Variants in SGCZ observed in about 807,000 individuals in gnomAD.
The protein encoded by SGCZ is zeta-sarcoglycan.
A neutral mutation model predicts 41.3 loss-of-function variants in SGCZ; 40 were observed. That is an observed-to-expected ratio of 0.97 (90% confidence interval 0.75 to 1.26). The LOEUF (loss-of-function observed/expected upper bound fraction) is 1.26. Among genes scored for constraint, SGCZ ranks in the 50% most tolerant of loss-of-function variants. SGCZ has a pLI of 0.00. For missense variants in SGCZ, 552 were observed against 369.8 expected (o/e 1.49, Z -4.04); for synonymous variants, 206 against 137.5 (o/e 1.50, Z -3.49).
rs1230976190 is a variant in SGCZ at position 14,702,809 on chromosome 8, TTAGGTAGATAGA to T, written c.40-147895_40-147884del. ...GACAGACAGGCAGACAGGTAGGTAG[TTAGGTAGATAGA>T]TAGATAGATAGATAGATAGATAGAT... is the stretch of plus-strand genomic sequence containing the variant. On this transcript the variant is annotated intron_variant, in intron 1 of 7. Transcript: ENST00000382080. Among the ~76,000 whole-genome samples, 337 of 117,410 alleles carry T rather than the reference TTAGGTAGATAGA, an allele frequency of 2.9e-3. 11 individuals are homozygous for T. Among genetic ancestry groups the T allele is most frequent in the Middle Eastern group, 4.8e-3 (1 of 208 alleles). The allele number at this position is 117,410 out of a possible 152,430, so 77.0% of individuals were successfully genotyped here. A position where few individuals can be genotyped will look rare whatever the true frequency, so the allele number is the denominator to read the frequency against.
chr8:14,423,503 G>A (rs1418085316), intron 2 of SGCZ, among the ~76,000 whole-genome samples: 2 of 151,916 alleles, frequency 1.3e-5, no homozygotes, highest in Non-Finnish European at 2.9e-5. Flanking sequence ...CGCAACCTCC[G>A]CCTCCCGGGT....
chr8:14,971,554 A>C (rs1270870592), intron 1 of SGCZ, among the ~76,000 whole-genome samples: 1 of 151,892 alleles, frequency 6.6e-6, no homozygotes, highest in Non-Finnish European at 1.5e-5. Context: ...TTAATATACT[A>C]AATTACGTAG....
chr8:14,177,055 G>A (rs1046468728), intron 4 of SGCZ, among the ~76,000 whole-genome samples: 2 of 152,142 alleles, frequency 1.3e-5, no homozygotes, highest in Non-Finnish European at 2.9e-5. Flanking sequence ...GACAAGGATC[G>A]TAGAGAGTAA....
chr8:15,105,549 T>C (rs543542402), intron 1 of SGCZ, among the ~76,000 whole-genome samples: 5 of 152,024 alleles, frequency 3.3e-5, no homozygotes, highest in African/African-American at 1.2e-4. Context: ...AACACGCAGA[T>C]CTTGTCAGAA....
chr8:14,351,216 A>G (rs1380668634), intron 2 of SGCZ, among the ~76,000 whole-genome samples: 1 of 152,164 alleles, frequency 6.6e-6, no homozygotes, highest in Non-Finnish European at 1.5e-5. Context: ...CGGTATTGTA[A>G]GATAAGCCTT....
At chr8:14,371,724 G>T (rs1424778536) in intron 2 of SGCZ, among the ~76,000 whole-genome samples, 1 of 152,082 alleles carries the variant, frequency 6.6e-6, no homozygotes, top group African/African-American at 2.4e-5. Flanking sequence ...TAACCTGGAG[G>T]TTATGCACTG....
intron 3 of SGCZ, among the ~76,000 whole-genome samples, chr8:14,301,716 C>T (rs1307257043): frequency 6.6e-6 from 1 of 152,094 alleles, no homozygotes; most frequent in Non-Finnish European, 1.5e-5. Flanking sequence ...AGGGGAAAGA[C>T]AGTGAGAAGA....
intron 1 of SGCZ, among the ~76,000 whole-genome samples, chr8:15,123,323 T>C (rs887207245): frequency 6.6e-6 from 1 of 152,198 alleles, no homozygotes; most frequent in Non-Finnish European, 1.5e-5. Context: ...TTATTTTCGC[T>C]TTTCATATTC....
At chr8:14,183,300 AC>A (rs1266013333) in intron 4 of SGCZ, among the ~76,000 whole-genome samples, 13 of 152,074 alleles carry the variant, frequency 8.5e-5, no homozygotes, top group African/African-American at 2.7e-4. Context: ...ACACACACAC[AC>A]ACACACACAC....
intron 4 of SGCZ, among the ~76,000 whole-genome samples, chr8:14,226,326 A>G (rs1806371898): frequency 6.6e-6 from 1 of 152,056 alleles, no homozygotes; most frequent in South Asian, 2.1e-4. Flanking sequence ...AATCATTACT[A>G]CAGTCAAAAT....
intron 1 of SGCZ, among the ~76,000 whole-genome samples, chr8:14,714,214 G>A (rs549436176): frequency 2.0e-4 from 30 of 152,020 alleles, no homozygotes; most frequent in African/African-American, 1.7e-4. Context: ...TGATCTGCCC[G>A]TCTCGGCCTC....
chr8:14,148,380 C>T (rs760448149), intron 5 of SGCZ, among the ~76,000 whole-genome samples: 1 of 151,844 alleles, frequency 6.6e-6, no homozygotes, highest in Non-Finnish European at 1.5e-5. Flanking sequence ...ACTGCCAAAA[C>T]GTCATTAGTA....
In SGCZ at chr8:14,087,799, G is replaced by A. The variant is rs562454631; in HGVS notation, c.*2644C>T. Among the ~76,000 whole-genome samples the A allele has an allele frequency of 3.3e-5, 5 of 151,576 alleles. No homozygotes were observed. Among genetic ancestry groups the A allele is most frequent in the African/African-American group, 9.7e-5 (4 of 41,358 alleles). On this transcript the variant is annotated 3_prime_UTR_variant, in exon 8 of 8. Transcript: ENST00000382080. ...TCTTCTAAGCCTTCACAATAGGCTT[G>A]ATCTCTCTGAGGCAGGGATCTTGGC...
intron 4 of SGCZ, among the ~76,000 whole-genome samples, chr8:14,212,908 A>G (rs1805864888): frequency 6.6e-6 from 1 of 152,150 alleles, no homozygotes; most frequent in Admixed American, 6.5e-5. Context: ...CTAAAAAAAT[A>G]TAATAATGGA....
chr8:14,753,425 T>C (rs1799561420), intron 1 of SGCZ, among the ~76,000 whole-genome samples: 1 of 152,192 alleles, frequency 6.6e-6, no homozygotes, highest in Admixed American at 6.5e-5. Context: ...TGGGACTTAC[T>C]GTGTATTATG....
chr8:14,540,645 A>G (rs1158871400), intron 2 of SGCZ, among the ~76,000 whole-genome samples: 1 of 151,806 alleles, frequency 6.6e-6, no homozygotes, highest in Non-Finnish European at 1.5e-5. Flanking sequence ...AACTACTTTG[A>G]TTAATTTCAT....
At chr8:14,359,639 T>A (rs1020556916) in intron 2 of SGCZ, among the ~76,000 whole-genome samples, 1 of 151,992 alleles carries the variant, frequency 6.6e-6, no homozygotes, top group African/African-American at 2.4e-5. Flanking sequence ...AGGCTGTAAG[T>A]CTCTCAGCAA....
At chr8:14,735,458 C>T (rs113385736) in intron 1 of SGCZ, among the ~76,000 whole-genome samples, 20 of 152,230 alleles carry the variant, frequency 1.3e-4, no homozygotes, top group African/African-American at 4.3e-4. Flanking sequence ...TGCTTCCTGC[C>T]CTTGGGCATC....
At chr8:14,671,008 T>C (rs1419895809) in intron 1 of SGCZ, among the ~76,000 whole-genome samples, 1 of 152,188 alleles carries the variant, frequency 6.6e-6, no homozygotes, top group East Asian at 1.9e-4. Context: ...TGTTTCTAGC[T>C]CTCAAGCTTC....
Sources: gnomAD v4.1 joint callset for allele counts (sites outside exome capture counted in the v4.1 genomes callset) on GRCh38, gnomAD v4.1.1 for gene constraint, MANE v1.5 for transcripts, NCBI Gene and HGNC (gene_info 2026-07-23, HGNC 2026-07-21) for gene names.